Variants in PASD1 observed in about 807,000 individuals in gnomAD.
PASD1 encodes the protein circadian clock protein PASD1.
Under a neutral mutation model 58.8 loss-of-function variants are expected in PASD1, and 13 were observed. That is an observed-to-expected ratio of 0.22 (90% CI 0.14 to 0.35). The LOEUF (loss-of-function observed/expected upper bound fraction) is 0.35, where lower values mean the gene tolerates loss of function less well. PASD1 is among the 10% of genes least tolerant of loss of function. PASD1 has a pLI of 1.00. For missense variants in PASD1, 734 were observed against 568.3 expected (o/e 1.29, Z -2.96); for synonymous variants, 236 against 216.7 (o/e 1.09, Z -0.78).
intron 1 of PASD1, among the ~76,000 whole-genome samples, chrX:151,579,954 T>C (rs781076880): frequency 8.9e-6 from 1 of 111,897 alleles, no homozygotes; most frequent in Non-Finnish European, 1.9e-5. Flanking sequence ...GCCTGAGCTT[T>C]TCATTAGCCA....
At chrX:151,586,777 C>T (rs2013172253) in intron 1 of PASD1, among the ~76,000 whole-genome samples, 1 of 111,202 alleles carries the variant, frequency 9.0e-6, no homozygotes. Flanking sequence ...CGGGGCATCC[C>T]TAGAACTTGC....
At chrX:151,661,032 G>T (rs1200648457) in intron 10 of PASD1, among the ~76,000 whole-genome samples, 1 of 110,846 alleles carries the variant, frequency 9.0e-6, no homozygotes, top group Non-Finnish European at 1.9e-5. Context: ...AGGCACGCCT[G>T]TAGTCCCAGC....
At chrX:151,593,510 T>A (rs1272002663) in intron 1 of PASD1, among the ~76,000 whole-genome samples, 3 of 108,619 alleles carry the variant, frequency 2.8e-5, no homozygotes. Context: ...TTTTCTGTCC[T>A]TGTGATAGTT....
At position 151,620,084 on chromosome X, in the gene PASD1, A is replaced by G. The variant is rs773334183; in HGVS notation, c.208-846A>G. Among the ~76,000 whole-genome samples the G allele has an allele frequency of 3.3e-4, 37 of 112,129 alleles. No homozygotes were observed. In the Middle Eastern group the frequency reaches 0.013, roughly 38 times the overall value. On this transcript the variant is annotated intron_variant, in intron 4 of 15. Coordinates refer to ENST00000370357, the MANE Select transcript of PASD1 (RefSeq NM_173493.3). ...TTTTTGTTTTCCTGATTATTTTTAA[A>G]GTTTCTTATTGATATGTAATATTTG...
intron 8 of PASD1, among the ~76,000 whole-genome samples, chrX:151,633,198 A>C (rs1602944866): frequency 1.8e-5 from 2 of 111,471 alleles, no homozygotes; most frequent in Admixed American, 1.9e-4. Flanking sequence ...CAACCGAGTC[A>C]TTCCATGAAG....
chrX:151,610,455 A>G (rs1367410736), intron 3 of PASD1, among the ~76,000 whole-genome samples: 1 of 111,480 alleles, frequency 9.0e-6, no homozygotes, highest in Non-Finnish European at 1.9e-5. Context: ...GCCCTGTGTT[A>G]TTTATTTAAG....
intron 1 of PASD1, among the ~76,000 whole-genome samples, chrX:151,574,327 G>A (rs1009152949): frequency 1.7e-4 from 19 of 112,169 alleles, no homozygotes; most frequent in Non-Finnish European, 3.6e-4. Flanking sequence ...GCCCTGTGCT[G>A]GGTGCTGCAG....
chrX:151,647,154 G>T (rs1483234580), intron 8 of PASD1, among the ~76,000 whole-genome samples: 1 of 111,642 alleles, frequency 9.0e-6, no homozygotes, highest in Non-Finnish European at 1.9e-5. Context: ...AGCTTGGGAA[G>T]AGGTCTTGAG....
In PASD1 at chrX:151,563,767, C is replaced by T. The variant is rs2124211563; in HGVS notation, c.-100C>T. ...CGCCCACCAGGCTCCCGGGCTCTCA[C>T]CGGAGACCACAGGGAGGAGCTTCAA... On this transcript the variant is annotated 5_prime_UTR_variant, in exon 1 of 16. Transcript: ENST00000370357. 8.9e-6 allele frequency: 1 copy of T among 112,451 alleles called. No individual in the cohort carries two copies. Among genetic ancestry groups the T allele is most frequent in the East Asian group, 2.8e-4 (1 of 3,544 alleles). The allele number at this position is 112,451 out of a possible 1,213,427, so 9.3% of individuals were successfully genotyped here.
intron 1 of PASD1, among the ~76,000 whole-genome samples, chrX:151,581,560 G>A (rs2013094566): frequency 1.8e-5 from 2 of 111,240 alleles, no homozygotes; most frequent in Non-Finnish European, 3.8e-5. Context: ...CTGCACTCCA[G>A]CCTGAGTGAC....
rs148281726 is a variant in PASD1 at position 151,591,035 on chromosome X, A to G, written c.-27-10492A>G. On this transcript the variant is annotated intron_variant, in intron 1 of 15. Transcript: ENST00000370357. Reference sequence around the variant, plus strand: ...AGCAACAGGAGCCCAGATTTTGATCAGTAAGTCACTTGTCTCTAGAAAAGG... The same window carrying G: ...AGCAACAGGAGCCCAGATTTTGATCGGTAAGTCACTTGTCTCTAGAAAAGG... 9.0e-3 allele frequency among the ~76,000 whole-genome samples: 1,014 copies of G among 112,067 alleles called. 9 individuals carry two copies. Among genetic ancestry groups the G allele is most frequent in the African/African-American group, 0.031 (970 of 30,897 alleles).
chrX:151,587,906 G>T (rs1252055362), intron 1 of PASD1, among the ~76,000 whole-genome samples: 1 of 112,117 alleles, frequency 8.9e-6, no homozygotes, highest in Non-Finnish European at 1.9e-5. Context: ...TGTCTTATGA[G>T]TTGTAATTTT....
At chrX:151,666,110 T>C (rs2014376188) in intron 11 of PASD1, among the ~76,000 whole-genome samples, 3 of 110,138 alleles carry the variant, frequency 2.7e-5, no homozygotes, top group African/African-American at 9.9e-5. Context: ...TAAAGGGTAT[T>C]GATGAACCAC....
chrX:151,586,138 C>T (rs2013160798), intron 1 of PASD1, among the ~76,000 whole-genome samples: 1 of 111,403 alleles, frequency 9.0e-6, no homozygotes, highest in African/African-American at 3.3e-5. Context: ...AGAGAGCTTT[C>T]CTGGGCAAGA....
intron 1 of PASD1, among the ~76,000 whole-genome samples, chrX:151,596,656 G>C (rs2013325391): frequency 8.9e-6 from 1 of 112,224 alleles, no homozygotes; most frequent in African/African-American, 3.2e-5. Flanking sequence ...TATTAATCTT[G>C]TACACAGCAA....
intron 8 of PASD1, among the ~76,000 whole-genome samples, chrX:151,636,800 T>C (rs1282915776): frequency 9.0e-6 from 1 of 111,686 alleles, no homozygotes; most frequent in Non-Finnish European, 1.9e-5. Flanking sequence ...CTGTGGATTT[T>C]AAGAAAGCTA....
chrX:151,606,387 A>G (rs58690062), intron 3 of PASD1, among the ~76,000 whole-genome samples: 1,528 of 111,307 alleles, frequency 0.014, 25 homozygotes, highest in African/African-American at 0.047. Flanking sequence ...AGGGCAAGAG[A>G]GCAAGGTGAC....
intron 9 of PASD1, 50 bp downstream of exon 9, chrX:151,648,752 G>A (rs1394234860): frequency 1.7e-6 from 2 of 1,159,312 alleles, no homozygotes; most frequent in Non-Finnish European, 2.3e-6. Context: ...TTATCCGTGT[G>A]ATGTTGATTA....
At chrX:151,664,717 C>A (rs2014357348) in intron 11 of PASD1, among the ~76,000 whole-genome samples, 1 of 112,056 alleles carries the variant, frequency 8.9e-6, no homozygotes, top group East Asian at 2.8e-4. Flanking sequence ...TGCTAACCAT[C>A]TAGAGGGAAG....
Sources: allele counts gnomAD v4.1 joint callset (sites outside exome capture counted in the v4.1 genomes callset), GRCh38; gene constraint gnomAD v4.1.1; transcripts MANE v1.5; gene names NCBI Gene and HGNC (gene_info 2026-07-23, HGNC 2026-07-21).